Variants in RANBP2 observed in about 807,000 individuals in gnomAD.
RANBP2 encodes the protein E3 SUMO-protein ligase RanBP2.
RANBP2 carries 57 observed loss-of-function variants against 303.6 expected under a neutral mutation model. The observed-to-expected ratio is 0.19, with a 90% CI of 0.15 to 0.23. The LOEUF (loss-of-function observed/expected upper bound fraction) is 0.23, where lower values mean the gene tolerates loss of function less well. RANBP2 is among the 10% of genes least tolerant of loss of function. The pLI, the probability that RANBP2 is intolerant of heterozygous loss-of-function variation, is 1.00. For missense variants in RANBP2, 3,138 were observed against 3,780.8 expected, an observed-to-expected ratio of 0.83 and a Z score of 4.46; for synonymous variants, 1,167 against 1,301.5, an observed-to-expected ratio of 0.90 and a Z score of 2.23.
At chr2:109,241,865 A>G in the RANBP2 span, among the ~76,000 whole-genome samples, 3 of 150,436 alleles carry the variant, frequency 2.0e-5, no homozygotes, top group African/African-American at 7.4e-5. Context: ...TCCCGGGTTC[A>G]CGCCATTCTC....
chr2:109,413,393 C>T, the RANBP2 span, among the ~76,000 whole-genome samples: 7,713 of 152,260 alleles, frequency 0.051, 366 homozygotes, highest in African/African-American at 0.12. Context: ...GGATTACAGG[C>T]GTGAGCCACC....
the RANBP2 span, chr2:108,907,933 G>T: frequency 6.2e-7 from 1 of 1,613,682 alleles, no homozygotes; most frequent in Non-Finnish European, 8.5e-7. Flanking sequence ...CAGCTCCGGG[G>T]AGCCCTGCTT....
the RANBP2 span, among the ~76,000 whole-genome samples, chr2:109,190,863 A>G: frequency 6.6e-6 from 1 of 151,842 alleles, no homozygotes; most frequent in Non-Finnish European, 1.5e-5. Flanking sequence ...CACTTACTGT[A>G]TGTAAAGCAC....
intron 4 of RANBP2, among the ~76,000 whole-genome samples, chr2:108,734,638 G>A (rs1695425967): frequency 6.6e-6 from 1 of 152,030 alleles, no homozygotes; most frequent in Non-Finnish European, 1.5e-5. Context: ...TGATGTTATT[G>A]TCTTGAAGGG....
At chr2:109,103,718 G>A in the RANBP2 span, among the ~76,000 whole-genome samples, 1 of 152,060 alleles carries the variant, frequency 6.6e-6, no homozygotes, top group Non-Finnish European at 1.5e-5. Context: ...TAGACTCTCA[G>A]CTAATCTCTT....
the RANBP2 span, among the ~76,000 whole-genome samples, chr2:108,790,933 T>C: frequency 6.6e-6 from 1 of 151,854 alleles, no homozygotes; most frequent in Admixed American, 6.6e-5. Flanking sequence ...TTTTATTTAT[T>C]TTTCTTTTTG....
the RANBP2 span, among the ~76,000 whole-genome samples, chr2:109,382,645 C>G: frequency 6.6e-6 from 1 of 152,196 alleles, no homozygotes; most frequent in South Asian, 2.1e-4. Context: ...TCTTCAAATC[C>G]TTCTGGTGCA....
At chr2:109,075,463 T>C in the RANBP2 span, among the ~76,000 whole-genome samples, 1 of 149,808 alleles carries the variant, frequency 6.7e-6, no homozygotes, top group Admixed American at 6.6e-5. Context: ...TGACCTCAGG[T>C]GATCTGCCCG....
chr2:109,339,988 T>C, the RANBP2 span, among the ~76,000 whole-genome samples: 1 of 152,204 alleles, frequency 6.6e-6, no homozygotes, highest in African/African-American at 2.4e-5. Flanking sequence ...TTTGTGATGC[T>C]GAGGAATTTG....
At chr2:109,698,685 A>G in the RANBP2 span, among the ~76,000 whole-genome samples, 1 of 149,030 alleles carries the variant, frequency 6.7e-6, no homozygotes, top group South Asian at 2.1e-4. Flanking sequence ...TCTTTGCATG[A>G]CAGCTTTTTT....
chr2:109,475,768 G>T, the RANBP2 span, among the ~76,000 whole-genome samples: 3 of 152,236 alleles, frequency 2.0e-5, no homozygotes, highest in Non-Finnish European at 4.4e-5. Context: ...CTCGGGGGCA[G>T]AATCACCCTG....
At chr2:108,920,844 G>A in the RANBP2 span, among the ~76,000 whole-genome samples, 316 of 152,278 alleles carry the variant, frequency 2.1e-3, 2 homozygotes, top group African/African-American at 7.0e-3. Context: ...GCAAAATTGC[G>A]CCTGAGCCAC....
chr2:108,967,478 C>T, the RANBP2 span, among the ~76,000 whole-genome samples: 3 of 152,178 alleles, frequency 2.0e-5, no homozygotes, highest in Middle Eastern at 3.4e-3. Flanking sequence ...TTCGTGTTTA[C>T]GGGTCTCCTA....
the RANBP2 span, among the ~76,000 whole-genome samples, chr2:109,310,836 T>C: frequency 1.1e-5 from 1 of 90,944 alleles, no homozygotes; most frequent in Non-Finnish European, 2.0e-5. Context: ...GAGCTGAAAT[T>C]GTGGCAATAA....
chr2:109,489,793 A>G, the RANBP2 span, among the ~76,000 whole-genome samples: 1 of 152,078 alleles, frequency 6.6e-6, no homozygotes, highest in South Asian at 2.1e-4. Flanking sequence ...GCTGGAGTGC[A>G]GTGGCGCAAT....
the RANBP2 span, among the ~76,000 whole-genome samples, chr2:109,568,853 G>C: frequency 6.6e-6 from 1 of 152,094 alleles, no homozygotes; most frequent in African/African-American, 2.4e-5. Context: ...GAAGGAAACT[G>C]TATGTACTAC....
At chr2:108,808,144 T>C in the RANBP2 span, among the ~76,000 whole-genome samples, 2 of 152,194 alleles carry the variant, frequency 1.3e-5, no homozygotes, top group Admixed American at 6.5e-5. Flanking sequence ...TTGCTGCAAA[T>C]GACAAGATTT....
chr2:108,967,448 T>C, the RANBP2 span, among the ~76,000 whole-genome samples: 1 of 152,314 alleles, frequency 6.6e-6, no homozygotes, highest in Admixed American at 6.5e-5. Context: ...GGAAGCCTGC[T>C]GTTCTCCAGG....
chr2:109,602,217 G>T, the RANBP2 span, among the ~76,000 whole-genome samples: 2 of 152,128 alleles, frequency 1.3e-5, no homozygotes, highest in African/African-American at 4.8e-5. Context: ...CTATAACTTG[G>T]AACAAGCAAT....
Sources: gnomAD v4.1 joint callset for allele counts (sites outside exome capture counted in the v4.1 genomes callset) on GRCh38, gnomAD v4.1.1 for gene constraint, MANE v1.5 for transcripts, NCBI Gene and HGNC (gene_info 2026-07-23, HGNC 2026-07-21) for gene names.